PKNOX2: variants seen among roughly 807,000 people sequenced by gnomAD.
The protein encoded by PKNOX2 is homeobox protein PKNOX2.
A neutral mutation model predicts 53.1 loss-of-function variants in PKNOX2; 14 were observed. The observed-to-expected ratio is 0.26, with a 90% confidence interval of 0.17 to 0.41. The LOEUF (loss-of-function observed/expected upper bound fraction) is 0.41. Ranked by LOEUF, PKNOX2 falls within the 10% of genes least tolerant of loss-of-function variation. PKNOX2 has a pLI of 1.00. For synonymous variants in PKNOX2, 257 were observed against 242.8 expected, an observed-to-expected ratio of 1.06 and a Z score of -0.54; for missense variants, 496 against 602.8, an observed-to-expected ratio of 0.82 and a Z score of 1.85.
intron 2 of PKNOX2, among the ~76,000 whole-genome samples, chr11:125,287,505 G>T (rs1946981613): frequency 6.6e-6 from 1 of 152,150 alleles, no homozygotes; most frequent in Non-Finnish European, 1.5e-5. Flanking sequence ...GTCCCATGTG[G>T]CGGGGAGGAA....
At chr11:125,327,976 G>A (rs1421287352) in intron 2 of PKNOX2, among the ~76,000 whole-genome samples, 1 of 152,228 alleles carries the variant, frequency 6.6e-6, no homozygotes, top group Non-Finnish European at 1.5e-5. Context: ...ATATTGGAGT[G>A]ATTCCTCTCT....
rs547833476 is a variant in PKNOX2 at position 125,165,582 on chromosome 11, G to C, written c.-201+806G>C. Reference sequence around the variant, plus strand: ...CAGGGCGAATGAGGGTTTGCAGACGGATCAGTGGAGACAGGGGAACACCGG... The same window carrying C: ...CAGGGCGAATGAGGGTTTGCAGACGCATCAGTGGAGACAGGGGAACACCGG... On this transcript the variant is annotated intron_variant, in intron 1 of 12. Transcript: ENST00000298282. The surrounding 1 kb of genome is among the most constrained non-coding windows in gnomAD (Gnocchi z 4.5). 3.5e-4 allele frequency among the ~76,000 whole-genome samples: 54 copies of C among 152,316 alleles called. No individual in the cohort carries two copies. The highest frequency in any genetic ancestry group is 1.2e-3 in the African/African-American group (50 of 41,582).
Position 125,351,340 on chromosome 11 carries a change from C to A in PKNOX2, c.35C>A (p.Thr12Lys), listed in dbSNP as rs746627196. The A allele has an allele frequency of 1.2e-6, 2 of 1,610,334 alleles. No homozygotes were observed. Among genetic ancestry groups the A allele is most frequent in the African/African-American group, 1.3e-5 (1 of 74,956 alleles). ...CATGCCTCCCCAGCCCCCGCTCTGA[C>A]GATGATGGCCACGCAGAATGTCCCG... ...MQHASPAPAL[T>K]MMATQNVPPP... is the part of the protein sequence containing the mutation. The change falls in exon 4 of 13, where the codon ACG becomes AAG. Residue 12 changes from threonine to lysine, a missense_variant. Around this residue, in one of 5 missense-constraint regions of PKNOX2, gnomAD observed 168 missense variants for 178.4 expected, o/e 0.94. Coordinates refer to ENST00000298282, the MANE Select transcript of PKNOX2 (RefSeq NM_001382323.2).
At chr11:125,340,567 G>A (rs906671436) in intron 3 of PKNOX2, among the ~76,000 whole-genome samples, 3 of 152,204 alleles carry the variant, frequency 2.0e-5, no homozygotes, top group Admixed American at 6.5e-5. Context: ...CAGGTGACCC[G>A]TATCTACTGT....
intron 2 of PKNOX2, among the ~76,000 whole-genome samples, chr11:125,312,417 A>G (rs1462935816): frequency 1.3e-5 from 2 of 152,194 alleles, no homozygotes; most frequent in African/African-American, 4.8e-5. Flanking sequence ...GCTGATTTTG[A>G]GACTCACTTC....
chr11:125,420,853 C>T (rs534295589), intron 10 of PKNOX2, among the ~76,000 whole-genome samples: 27 of 152,208 alleles, frequency 1.8e-4, no homozygotes, highest in African/African-American at 5.5e-4. Flanking sequence ...AAAAAGGAGA[C>T]GCTGAAGGTT....
Position 125,385,596 on chromosome 11 carries a change from A to G in PKNOX2, c.273A>G (p.Glu91=), listed in dbSNP as rs749475234. ...PLLTLLFEKC[E]QATQGSECIT... ...TGACGCTGCTGTTTGAGAAATGTGA[A>G]CAGGCCACCCAGGGCTCTGAGTGCA... is the stretch of plus-strand genomic sequence containing the variant. The change falls in exon 6 of 13, where the codon GAA becomes GAG. Residue 91 remains glutamate (E), a synonymous_variant. Coordinates refer to ENST00000298282, the MANE Select transcript of PKNOX2 (RefSeq NM_001382323.2). 2 of 1,611,828 alleles carry G rather than the reference A, an allele frequency of 1.2e-6. No individual in the cohort carries two copies. The highest frequency in any genetic ancestry group is 1.1e-5 in the South Asian group (1 of 90,510).
intron 10 of PKNOX2, among the ~76,000 whole-genome samples, chr11:125,412,879 G>A (rs190535675): frequency 5.3e-5 from 8 of 152,294 alleles, no homozygotes; most frequent in Admixed American, 1.3e-4. Flanking sequence ...ATCAACAGCC[G>A]TTGTATCTGA....
At chr11:125,211,798 C>A (rs4936995) in intron 1 of PKNOX2, among the ~76,000 whole-genome samples, 30,985 of 151,896 alleles carry the variant, frequency 0.2, 3,438 homozygotes, top group African/African-American at 0.25. Context: ...CTCTGCTGAT[C>A]TGAGCTTTGG....
chr11:125,263,011 T>C (rs983809390), intron 2 of PKNOX2, among the ~76,000 whole-genome samples: 6 of 152,162 alleles, frequency 3.9e-5, no homozygotes, highest in Non-Finnish European at 4.4e-5. Flanking sequence ...GCAGTCTCTG[T>C]AGTGTGTGCT....
In PKNOX2 at chr11:125,321,451, A is replaced by G. The variant is rs537245851; in HGVS notation, c.-129-10368A>G. Among the ~76,000 whole-genome samples the G allele has an allele frequency of 2.6e-5, 4 of 152,344 alleles. No individual in the cohort carries two copies. In the South Asian group the frequency reaches 8.3e-4, roughly 32 times the overall value. The stretch of plus-strand genomic sequence containing the variant: ...TAGATTACTTATAATACCTAATACA[A>G]TGTAAATGCTATGTAAATAGTTGTC... On this transcript the variant is annotated intron_variant, in intron 2 of 12. Coordinates refer to ENST00000298282, the MANE Select transcript of PKNOX2 (RefSeq NM_001382323.2).
At chr11:125,283,596 G>C (rs919099535) in intron 2 of PKNOX2, among the ~76,000 whole-genome samples, 2 of 152,232 alleles carry the variant, frequency 1.3e-5, no homozygotes, top group African/African-American at 4.8e-5. Flanking sequence ...CAGCCTGTGT[G>C]TTTTCAGGAT....
At chr11:125,318,117 T>C (rs11824643) in intron 2 of PKNOX2, among the ~76,000 whole-genome samples, 3,734 of 152,128 alleles carry the variant, frequency 0.025, 155 homozygotes, top group African/African-American at 0.084. Flanking sequence ...TATTTTTTAA[T>C]TTTTTTGGAG....
intron 12 of PKNOX2, 29 bp downstream of exon 12, chr11:125,430,170 A>G (rs1031762911): frequency 1.1e-5 from 18 of 1,607,658 alleles, no homozygotes; most frequent in Non-Finnish European, 1.4e-5. Flanking sequence ...TGCACCCTAG[A>G]CAAGGGCTGG....
At chr11:125,367,326 A>G (rs564212521) in intron 4 of PKNOX2, among the ~76,000 whole-genome samples, 61 of 152,308 alleles carry the variant, frequency 4.0e-4, no homozygotes, top group African/African-American at 1.4e-3. Context: ...CTTATCTTGA[A>G]GTGGCCAGGT....
intron 8 of PKNOX2, 98 bp from the exon 9 acceptor site, chr11:125,410,681 G>A (rs1436598346): frequency 3.3e-6 from 3 of 904,378 alleles, no homozygotes; most frequent in Non-Finnish European, 5.4e-6. Context: ...CAAGTAGAGG[G>A]TCTTTACACA....
At chr11:125,392,209 T>TAA (rs1954091465) in intron 6 of PKNOX2, among the ~76,000 whole-genome samples, 1 of 152,244 alleles carries the variant, frequency 6.6e-6, no homozygotes, top group African/African-American at 2.4e-5. Context: ...CTTTAGCCCC[T>TAA]TTCAAATCTT....
intron 10 of PKNOX2, among the ~76,000 whole-genome samples, chr11:125,426,441 C>T (rs146597146): frequency 3.3e-5 from 5 of 152,368 alleles, no homozygotes; most frequent in Non-Finnish European, 4.4e-5. Context: ...TGCCAGCACC[C>T]AGGATGCGGC....
At chr11:125,284,373 G>C (rs986348012) in intron 2 of PKNOX2, among the ~76,000 whole-genome samples, 2 of 152,176 alleles carry the variant, frequency 1.3e-5, no homozygotes, top group African/African-American at 4.8e-5. Context: ...CTCTCAGCCC[G>C]CTGCTCCTCA....
Sources: gnomAD v4.1 joint callset for allele counts (sites outside exome capture counted in the v4.1 genomes callset) on GRCh38, gnomAD v4.1.1 for gene constraint, gnomAD v4.1.1 regional missense constraint, Gnocchi (gnomAD v3.1) non-coding constraint, MANE v1.5 for transcripts, NCBI Gene and HGNC (gene_info 2026-07-23, HGNC 2026-07-21) for gene names.